The following TMCC1 variants were observed in gnomAD, a reference collection of about 807,000 sequenced individuals.
TMCC1 encodes transmembrane and coiled-coil domains protein 1.
TMCC1 carries 15 observed loss-of-function variants against 52.4 expected under a neutral mutation model. The ratio of observed to expected loss-of-function variants is 0.29; its 90% CI spans 0.19 to 0.44. The LOEUF is 0.44. Ranked by LOEUF, TMCC1 falls within the 20% of genes least tolerant of loss-of-function variation. TMCC1 has a pLI of 1.00. For missense variants in TMCC1, 503 were observed against 806.0 expected (o/e 0.62, Z 4.55); for synonymous variants, 279 against 301.9 (o/e 0.92, Z 0.79).
chr3:129,818,486 T>TA (rs1249585167), intron 4 of TMCC1, among the ~76,000 whole-genome samples: 1 of 84,336 alleles, frequency 1.2e-5, no homozygotes, highest in Non-Finnish European at 2.2e-5. Flanking sequence ...AAAGAAACTT[T>TA]TAAAGAAAAG....
intron 4 of TMCC1, among the ~76,000 whole-genome samples, chr3:129,712,037 G>T (rs1166999207): frequency 6.8e-6 from 1 of 146,352 alleles, no homozygotes; most frequent in South Asian, 2.2e-4. Context: ...ATTAGCCAGG[G>T]ATGGTGGCAG....
At chr3:129,795,826 C>T (rs778315296) in intron 4 of TMCC1, among the ~76,000 whole-genome samples, 6 of 152,164 alleles carry the variant, frequency 3.9e-5, no homozygotes, top group Admixed American at 6.5e-5. Flanking sequence ...GGCTCCCACC[C>T]GCTAGTCACT....
chr3:129,889,171 T>C (rs184410932), intron 1 of TMCC1, among the ~76,000 whole-genome samples: 35 of 152,114 alleles, frequency 2.3e-4, no homozygotes, highest in South Asian at 6.2e-4. Flanking sequence ...ACTCCGGACA[T>C]TGAGGTCAGA....
At chr3:129,869,382 G>C (rs1412102382) in intron 2 of TMCC1, among the ~76,000 whole-genome samples, 1 of 152,074 alleles carries the variant, frequency 6.6e-6, no homozygotes, top group Non-Finnish European at 1.5e-5. Flanking sequence ...ATAAACATAA[G>C]TGTTTTCCTG....
chr3:129,829,200 A>G (rs927927478), intron 3 of TMCC1, among the ~76,000 whole-genome samples: 1 of 152,192 alleles, frequency 6.6e-6, no homozygotes. Context: ...CAGAGACTAG[A>G]GCTTTGCTCA....
At chr3:129,866,763 A>C (rs906769983) in intron 2 of TMCC1, among the ~76,000 whole-genome samples, 2 of 152,152 alleles carry the variant, frequency 1.3e-5, no homozygotes, top group African/African-American at 2.4e-5. Flanking sequence ...ATTTGGCATT[A>C]TTTACCATAA....
chr3:129,795,837 G>A (rs1196496634), intron 4 of TMCC1, among the ~76,000 whole-genome samples: 1 of 152,192 alleles, frequency 6.6e-6, no homozygotes, highest in Non-Finnish European at 1.5e-5. Context: ...GCTAGTCACT[G>A]AGTAAGCGAT....
Position 129,849,848 on chromosome 3 carries a change from G to T in TMCC1, c.-183-17022C>A, listed in dbSNP as rs191069287. 2.6e-5 allele frequency among the ~76,000 whole-genome samples: 4 copies of T among 151,650 alleles called. No individual in the cohort carries two copies. In the East Asian group the frequency reaches 7.7e-4, roughly 29 times the overall value. ...CACCCATGTATATATATGTATGTGT[G>T]TGCATCCACTGAAGGGGATTACATT... On this transcript the variant is annotated intron_variant, in intron 2 of 6. Coordinates refer to ENST00000393238, the MANE Select transcript of TMCC1 (RefSeq NM_001017395.5).
chr3:129,885,991 T>TC (rs1165896975), intron 1 of TMCC1, among the ~76,000 whole-genome samples: 3 of 152,142 alleles, frequency 2.0e-5, no homozygotes, highest in African/African-American at 4.8e-5. Flanking sequence ...TCCACCCACC[T>TC]CAGCCTCCCA....
chr3:129,859,959 T>G lies in TMCC1; in HGVS notation c.-184+20350A>C, dbSNP rs576479114. On this transcript the variant is annotated intron_variant, in intron 2 of 6. Transcript: ENST00000393238. The stretch of plus-strand genomic sequence containing the variant: ...CAACTTATCTCACTACATCAGATAA[T>G]TTTTGATCTATCAATCGCCAATGAT... Among the ~76,000 whole-genome samples the G allele has an allele frequency of 5.9e-5, 9 of 152,294 alleles. No individual in the cohort carries two copies. In the East Asian group the frequency reaches 1.7e-3, roughly 29 times the overall value.
intron 4 of TMCC1, among the ~76,000 whole-genome samples, chr3:129,709,036 C>CTA (rs774093081): frequency 2.6e-5 from 4 of 152,180 alleles, no homozygotes; most frequent in Middle Eastern, 3.4e-3. Context: ...TAACTAAATG[C>CTA]TAAGGAGGCT....
intron 5 of TMCC1, among the ~76,000 whole-genome samples, chr3:129,665,648 A>C (rs2087390768): frequency 6.6e-6 from 1 of 152,196 alleles, no homozygotes; most frequent in Admixed American, 6.5e-5. Flanking sequence ...CTAATGCTTC[A>C]GAGAGCTAGG....
chr3:129,853,422 C>T (rs1166657166), intron 2 of TMCC1, among the ~76,000 whole-genome samples: 1 of 151,942 alleles, frequency 6.6e-6, no homozygotes, highest in African/African-American at 2.4e-5. Context: ...CCCAGGAGTT[C>T]AAGACCAGCC....
At chr3:129,732,415 G>T (rs1316565888) in intron 4 of TMCC1, among the ~76,000 whole-genome samples, 1 of 151,962 alleles carries the variant, frequency 6.6e-6, no homozygotes, top group African/African-American at 2.4e-5. Context: ...ACTTGGCAAT[G>T]GTCTAACCCC....
chr3:129,751,293 G>A (rs531287128), intron 4 of TMCC1, among the ~76,000 whole-genome samples: 41 of 152,238 alleles, frequency 2.7e-4, no homozygotes, highest in Non-Finnish European at 4.9e-4. Context: ...ACTTTGAGTG[G>A]CTGAGGCAGG....
intron 4 of TMCC1, among the ~76,000 whole-genome samples, chr3:129,757,440 T>C (rs1194377732): frequency 6.6e-6 from 1 of 152,214 alleles, no homozygotes; most frequent in Non-Finnish European, 1.5e-5. Context: ...CACACCTGAA[T>C]ATAACCCTTC....
intron 4 of TMCC1, among the ~76,000 whole-genome samples, chr3:129,724,891 A>T (rs2049950476): frequency 6.6e-6 from 1 of 152,218 alleles, no homozygotes; most frequent in Non-Finnish European, 1.5e-5. Context: ...GGGAAGGTAA[A>T]TCTATAAGAA....
chr3:129,860,735 A>C (rs964302247), intron 2 of TMCC1, among the ~76,000 whole-genome samples: 1 of 151,822 alleles, frequency 6.6e-6, no homozygotes, highest in Non-Finnish European at 1.5e-5. Context: ...GAGTAGCTGG[A>C]ATTACAGGTG....
At chr3:129,867,651 G>A (rs2060715264) in intron 2 of TMCC1, among the ~76,000 whole-genome samples, 1 of 152,178 alleles carries the variant, frequency 6.6e-6, no homozygotes, top group African/African-American at 2.4e-5. Flanking sequence ...AGAACATATA[G>A]CCAAGCAAAT....
Sources: gnomAD v4.1 joint callset for allele counts (sites outside exome capture counted in the v4.1 genomes callset) on GRCh38, gnomAD v4.1.1 for gene constraint, MANE v1.5 for transcripts, NCBI Gene and HGNC (gene_info 2026-07-23, HGNC 2026-07-21) for gene names.